The following HECTD4 variants were observed in gnomAD, a reference collection of about 807,000 sequenced individuals.
HECTD4 encodes HECT domain E3 ubiquitin protein ligase 4, also known as probable E3 ubiquitin-protein ligase HECTD4.
HECTD4 carries 114 observed loss-of-function variants against 471.5 expected under a neutral mutation model. The ratio of observed to expected loss-of-function variants is 0.24; its 90% CI spans 0.21 to 0.28. The LOEUF is 0.28. HECTD4 is among the 10% of genes least tolerant of loss of function. HECTD4 has a pLI of 1.00. For synonymous variants in HECTD4, 2,012 were observed against 2,256.0 expected, an observed-to-expected ratio of 0.89 and a Z score of 3.07; for missense variants, 3,866 against 5,651.5, an observed-to-expected ratio of 0.68 and a Z score of 10.13.
chr12:112,340,042 CAA>C (rs1330584489), intron 1 of HECTD4, among the ~76,000 whole-genome samples: 11 of 112,500 alleles, frequency 9.8e-5, no homozygotes, highest in Admixed American at 1.9e-4. Flanking sequence ...GAGTGAGACT[CAA>C]AAAAAAAAAA....
At chr12:112,368,368 A>T (rs2036606316) in intron 1 of HECTD4, among the ~76,000 whole-genome samples, 1 of 152,252 alleles carries the variant, frequency 6.6e-6, no homozygotes, top group Non-Finnish European at 1.5e-5. Context: ...TAGTAACAGT[A>T]ATAAGTCACA....
chr12:112,267,667 C>A (rs1206519612), intron 13 of HECTD4, among the ~76,000 whole-genome samples: 1 of 152,176 alleles, frequency 6.6e-6, no homozygotes, highest in Non-Finnish European at 1.5e-5. Context: ...GTCAAGCCTA[C>A]ATATAACTAT....
Position 112,210,258 on chromosome 12 carries a change from AAGG to A in HECTD4, c.7630-9_7630-7del. 1 of 1,611,542 alleles carries A rather than the reference AAGG, an allele frequency of 6.2e-7. No individual in the cohort carries two copies. Among genetic ancestry groups the A allele is most frequent in the Non-Finnish European group, 8.5e-7 (1 of 1,177,730 alleles). Reference sequence around the variant, plus strand: ...TTAGCTCGGGTTTTGGTGTTCTGGAAAGGAGACCAAATGAAGGATTTGGAAAGA... The same window carrying A: ...TTAGCTCGGGTTTTGGTGTTCTGGAAAGACCAAATGAAGGATTTGGAAAGA... On this transcript the variant is annotated splice_region_variant and splice_polypyrimidine_tract_variant and intron_variant, in intron 49 of 75. Transcript: ENST00000682272.
chr12:112,361,435 A>G (rs531838461), intron 1 of HECTD4, among the ~76,000 whole-genome samples: 46 of 151,358 alleles, frequency 3.0e-4, no homozygotes, highest in African/African-American at 1.0e-3. Context: ...ACACCTGGCT[A>G]ATTTTCTAAT....
chr12:112,267,678 T>C (rs1348101014), intron 13 of HECTD4, among the ~76,000 whole-genome samples: 1 of 152,204 alleles, frequency 6.6e-6, no homozygotes, highest in East Asian at 1.9e-4. Flanking sequence ...ATATAACTAT[T>C]GTGCCTCCCC....
Position 112,249,994 on chromosome 12 carries a change from G to C in HECTD4, c.3950+150C>G. ...CCCCTAGTCTGGAATACTGCCTGGT[G>C]GGCCCTCTAGACTCAGTTAATTTTA... On this transcript the variant is annotated intron_variant, in intron 25 of 75. Coordinates refer to ENST00000682272, the MANE Select transcript of HECTD4 (RefSeq NM_001388303.1). The C allele has an allele frequency of 4.6e-6, 3 of 655,662 alleles. No homozygotes were observed. The South Asian group carries it at 5.9e-5, about 13-fold the overall frequency. 40.6% of individuals were successfully genotyped at this position (655,662 alleles called of 1,614,324 possible).
At chr12:112,176,195 T>C (rs75982449) in intron 65 of HECTD4, among the ~76,000 whole-genome samples, 2,345 of 152,372 alleles carry the variant, frequency 0.015, 66 homozygotes, top group African/African-American at 0.052. Flanking sequence ...TGCCTGGGCC[T>C]TTCTGGAGGC....
chr12:112,350,345 T>C (rs992389570), intron 1 of HECTD4, among the ~76,000 whole-genome samples: 13 of 152,370 alleles, frequency 8.5e-5, no homozygotes, highest in Admixed American at 7.2e-4. Context: ...GAGGTAATAA[T>C]CATTTCTGGG....
chr12:112,334,528 C>T (rs1017457802), intron 1 of HECTD4, among the ~76,000 whole-genome samples: 3 of 151,550 alleles, frequency 2.0e-5, no homozygotes, highest in Non-Finnish European at 4.4e-5. Context: ...GGCACGGTGG[C>T]TCACGCCTGT....
chr12:112,205,201 C>T (rs987359694), intron 52 of HECTD4, among the ~76,000 whole-genome samples: 12 of 151,316 alleles, frequency 7.9e-5, no homozygotes, highest in African/African-American at 2.7e-4. Context: ...TTTGGGAGGC[C>T]GAGGTGGGTG....
intron 7 of HECTD4, among the ~76,000 whole-genome samples, chr12:112,295,551 G>C (rs1169645602): frequency 2.0e-5 from 3 of 149,854 alleles, no homozygotes; most frequent in African/African-American, 7.4e-5. Context: ...TGTTGCCCAG[G>C]CTCATCTTGA....
chr12:112,352,642 T>C (rs1445152189), intron 1 of HECTD4, among the ~76,000 whole-genome samples: 2 of 151,880 alleles, frequency 1.3e-5, no homozygotes, highest in African/African-American at 2.4e-5. Context: ...GGTCTTGCTG[T>C]GTTGCCCAGG....
At chr12:112,377,625 C>T (rs1429463149) in intron 1 of HECTD4, among the ~76,000 whole-genome samples, 1 of 152,130 alleles carries the variant, frequency 6.6e-6, no homozygotes, top group African/African-American at 2.4e-5. Flanking sequence ...AATCTCGGCA[C>T]TTTGGGAGGC....
chr12:112,220,789 T>C (rs2033065238), intron 44 of HECTD4, among the ~76,000 whole-genome samples: 1 of 151,678 alleles, frequency 6.6e-6, no homozygotes, highest in Admixed American at 6.6e-5. Context: ...AGAGTGAGAC[T>C]CTGTCTCTAA....
intron 1 of HECTD4, among the ~76,000 whole-genome samples, chr12:112,360,474 G>A (rs1379024502): frequency 2.6e-5 from 4 of 152,046 alleles, no homozygotes; most frequent in Non-Finnish European, 4.4e-5. Flanking sequence ...TTCCTTGAGG[G>A]GCAGTTCTCA....
Position 112,171,163 on chromosome 12 carries a change from T to C in HECTD4, c.11886A>G (p.Thr3962=). The C allele has an allele frequency of 6.2e-7, 1 of 1,613,456 alleles. No homozygotes were observed. Among genetic ancestry groups the C allele is most frequent in the Non-Finnish European group, 8.5e-7 (1 of 1,179,744 alleles). ...CGGCGATGCTGTGGGTATACATGGG[T>C]GTCTGGCGCAGCTCCACCAGGGGCA... is the stretch of plus-strand genomic sequence containing the variant. ...FFLPLVELRQ[T]PMYTHSIAAL... Residue 3962 remains threonine (T), a synonymous_variant, in exon 68 of 76, where the codon ACA becomes ACG. Transcript: ENST00000682272.
At chr12:112,354,433 G>T (rs2036296772) in intron 1 of HECTD4, among the ~76,000 whole-genome samples, 1 of 152,008 alleles carries the variant, frequency 6.6e-6, no homozygotes, top group South Asian at 2.1e-4. Flanking sequence ...GAAAAACCTG[G>T]GTATGTTATT....
At chr12:112,287,653 TG>T in intron 7 of HECTD4, among the ~76,000 whole-genome samples, 1 of 152,038 alleles carries the variant, frequency 6.6e-6, no homozygotes, top group East Asian at 1.9e-4. Context: ...CTGGGTGCAG[TG>T]GCTCCCAGCT....
chr12:112,381,946 G>T lies in HECTD4; in HGVS notation c.177+6C>A. ...GATGGCGGGGGCCGGGGGCCGCCTCGCTCACCTCCAGGTCGGTGTCCGCGG... is the reference window on the plus strand; with the variant it reads ...GATGGCGGGGGCCGGGGGCCGCCTCTCTCACCTCCAGGTCGGTGTCCGCGG... On this transcript the variant is annotated splice_donor_region_variant and intron_variant, in intron 1 of 75. Coordinates refer to ENST00000682272, the MANE Select transcript of HECTD4 (RefSeq NM_001388303.1). The surrounding 1 kb of genome is among the most constrained non-coding windows in gnomAD (Gnocchi z 4.1). 8.2e-7 allele frequency: 1 copy of T among 1,223,314 alleles called. No individual in the cohort carries two copies. The highest frequency in any genetic ancestry group is 1.0e-6 in the Non-Finnish European group (1 of 982,454). The allele number at this position is 1,223,314 out of a possible 1,614,324, so 75.8% of individuals were successfully genotyped here. A position where few individuals can be genotyped will look rare whatever the true frequency, so the allele number is the denominator to read the frequency against.
Sources: allele counts gnomAD v4.1 joint callset (sites outside exome capture counted in the v4.1 genomes callset), GRCh38; gene constraint gnomAD v4.1.1; non-coding constraint Gnocchi (gnomAD v3.1); transcripts MANE v1.5; gene names NCBI Gene and HGNC (gene_info 2026-07-23, HGNC 2026-07-21).